The following FRYL variants were observed in gnomAD, a reference collection of about 807,000 sequenced individuals.
FRYL encodes the protein FRY like transcription coactivator.
Under a neutral mutation model 351.2 loss-of-function variants are expected in FRYL, and 150 were observed. The observed-to-expected ratio is 0.43, with a 90% CI of 0.37 to 0.49. The LOEUF is 0.49. FRYL is among the 20% of genes least tolerant of loss of function. The pLI is 0.00. For missense variants in FRYL, 3,036 were observed against 3,619.3 expected (o/e 0.84, Z 4.13); for synonymous variants, 1,153 against 1,257.1 (o/e 0.92, Z 1.75).
intron 3 of FRYL, among the ~76,000 whole-genome samples, chr4:48,644,393 T>G (rs1317484663): frequency 3.3e-5 from 5 of 150,392 alleles, no homozygotes; most frequent in Non-Finnish European, 5.9e-5. Flanking sequence ...AATCAGAACA[T>G]AACTATAATC....
intron 1 of FRYL, among the ~76,000 whole-genome samples, chr4:48,744,443 T>A (rs1358468463): frequency 6.6e-6 from 1 of 152,152 alleles, no homozygotes; most frequent in Admixed American, 6.5e-5. Context: ...ACTTCATAAA[T>A]TAATATTTAC....
At chr4:48,629,222 CGT>C in intron 4 of FRYL, among the ~76,000 whole-genome samples, 1 of 152,008 alleles carries the variant, frequency 6.6e-6, no homozygotes, top group East Asian at 1.9e-4. Context: ...ATTTTGAAAC[CGT>C]AACAATGACA....
chr4:48,678,836 GA>G (rs1296641429), intron 3 of FRYL, among the ~76,000 whole-genome samples: 4 of 151,812 alleles, frequency 2.6e-5, no homozygotes, highest in African/African-American at 9.7e-5. Flanking sequence ...TATACCATAG[GA>G]AATTCTTAAT....
rs1452424845 is a variant in FRYL at position 48,763,080 on chromosome 4, C to T, written c.-384+16998G>A. ...GAATTTAATGACTTTCCCCAAACAA[C>T]AATATTTTATATTTGTACAGATCTG... On this transcript the variant is annotated intron_variant, in intron 1 of 63. Transcript: ENST00000358350. 1.7e-4 allele frequency among the ~76,000 whole-genome samples: 11 copies of T among 64,740 alleles called. No homozygotes were observed. In the East Asian group the frequency reaches 2.5e-3, roughly 14 times the overall value. 42.5% of individuals were successfully genotyped at this position (64,740 alleles called of 152,430 possible). A position where few individuals can be genotyped will look rare whatever the true frequency, so the allele number is the denominator to read the frequency against.
chr4:48,774,871 G>C (rs973582639), intron 1 of FRYL, among the ~76,000 whole-genome samples: 1 of 152,010 alleles, frequency 6.6e-6, no homozygotes, highest in Non-Finnish European at 1.5e-5. Flanking sequence ...AATATTTTTC[G>C]TAACAAAAAG....
rs565128981 is a variant in FRYL at position 48,577,116 on chromosome 4, C to T, written c.2529-894G>A. Among the ~76,000 whole-genome samples the T allele has an allele frequency of 2.8e-3, 423 of 152,186 alleles. 2 individuals carry two copies. The highest frequency in any genetic ancestry group is 0.011 in the South Asian group (54 of 4,820). On this transcript the variant is annotated intron_variant, in intron 23 of 63. Coordinates refer to ENST00000358350, the MANE Select transcript of FRYL (RefSeq NM_015030.2). ...AATAGCAATTTTTCCCTATTATACACAATACTATACATTTGAATATATGGT... is the reference window on the plus strand; with the variant it reads ...AATAGCAATTTTTCCCTATTATACATAATACTATACATTTGAATATATGGT...
intron 44 of FRYL, 82 bp from the exon 45 acceptor site, chr4:48,542,203 T>C (rs1379381335): frequency 1.3e-5 from 12 of 907,494 alleles, no homozygotes; most frequent in South Asian, 1.3e-4. Flanking sequence ...GATTTTAAAA[T>C]AGAACAAACT....
intron 49 of FRYL, among the ~76,000 whole-genome samples, chr4:48,533,693 A>G (rs931209860): frequency 6.6e-6 from 1 of 152,214 alleles, no homozygotes; most frequent in Non-Finnish European, 1.5e-5. Context: ...CTTAACTGGT[A>G]GCTCAAACCG....
chr4:48,628,846 T>C (rs1373040311), intron 4 of FRYL, among the ~76,000 whole-genome samples: 1 of 151,886 alleles, frequency 6.6e-6, no homozygotes, highest in African/African-American at 2.4e-5. Context: ...ATTGAAAGAA[T>C]AAAAAGTTTT....
At chr4:48,582,794 G>T in intron 19 of FRYL, 60 bp from the exon 20 acceptor site, 1 of 1,121,134 alleles carries the variant, frequency 8.9e-7, no homozygotes. Context: ...TTTATCATCT[G>T]AAACTTAAAA....
intron 1 of FRYL, among the ~76,000 whole-genome samples, chr4:48,713,801 A>C (rs1351732186): frequency 6.6e-6 from 1 of 152,222 alleles, no homozygotes; most frequent in Non-Finnish European, 1.5e-5. Context: ...TCTCCACCCC[A>C]AATCAACAGA....
chr4:48,761,887 C>G (rs1578957631), intron 1 of FRYL, among the ~76,000 whole-genome samples: 1 of 152,296 alleles, frequency 6.6e-6, no homozygotes, highest in Non-Finnish European at 1.5e-5. Context: ...ACTAAGGACA[C>G]ATTTCTCAGA....
At chr4:48,622,349 T>C (rs1360516584) in intron 5 of FRYL, among the ~76,000 whole-genome samples, 1 of 152,162 alleles carries the variant, frequency 6.6e-6, no homozygotes, top group African/African-American at 2.4e-5. Flanking sequence ...CTGCCCTATT[T>C]ATGGTTTCTT....
intron 1 of FRYL, among the ~76,000 whole-genome samples, chr4:48,771,861 A>G (rs1299856937): frequency 6.6e-6 from 1 of 152,242 alleles, no homozygotes. Context: ...AATTATAAAG[A>G]GGAGACTACT....
intron 2 of FRYL, among the ~76,000 whole-genome samples, chr4:48,687,550 C>G (rs1765279119): frequency 1.3e-5 from 2 of 149,630 alleles, no homozygotes; most frequent in Admixed American, 1.3e-4. Flanking sequence ...CTTCAGTACA[C>G]AAAGCAAAAG....
intron 47 of FRYL, among the ~76,000 whole-genome samples, chr4:48,537,795 C>CTCCT (rs1293244250): frequency 6.6e-6 from 1 of 152,168 alleles, no homozygotes; most frequent in African/African-American, 2.4e-5. Context: ...ATCCTTCAGG[C>CTCCT]TAGGAGGCCA....
intron 4 of FRYL, among the ~76,000 whole-genome samples, chr4:48,629,631 T>A (rs1247889417): frequency 6.6e-6 from 1 of 152,082 alleles, no homozygotes; most frequent in African/African-American, 2.4e-5. Context: ...CAGACAGATT[T>A]AGGACAGGAA....
chr4:48,540,009 T>C lies in FRYL; in HGVS notation c.6355A>G (p.Thr2119Ala), dbSNP rs752188535. The change falls in exon 47 of 64, where the codon ACT becomes GCT. Residue 2119 changes from threonine (T) to alanine (A), a missense_variant. Around this residue, in one of 7 missense-constraint regions of FRYL, gnomAD observed 1,987 missense variants for 2,311.7 expected, o/e 0.86. Coordinates refer to ENST00000358350, the MANE Select transcript of FRYL (RefSeq NM_015030.2). ...PHLIQHFDSP[T>A]QFCKETASRI... Reference sequence around the variant, plus strand: ...CTAGCTGTTTCTTTGCAAAACTGAGTTGGGCTGTCAAAATGCTGGATTAAG... The same window carrying C: ...CTAGCTGTTTCTTTGCAAAACTGAGCTGGGCTGTCAAAATGCTGGATTAAG... 4 of 1,613,240 alleles carry C rather than the reference T, an allele frequency of 2.5e-6. No homozygotes were observed. The highest frequency in any genetic ancestry group is 3.4e-6 in the Non-Finnish European group (4 of 1,179,634).
intron 1 of FRYL, among the ~76,000 whole-genome samples, chr4:48,746,790 TAG>T (rs915584664): frequency 6.6e-6 from 1 of 152,094 alleles, no homozygotes; most frequent in African/African-American, 2.4e-5. Context: ...ACACACCATG[TAG>T]AGAGACCACA....
Sources: allele counts gnomAD v4.1 joint callset (sites outside exome capture counted in the v4.1 genomes callset), GRCh38; gene constraint gnomAD v4.1.1; regional missense constraint gnomAD v4.1.1; transcripts MANE v1.5; gene names NCBI Gene and HGNC (gene_info 2026-07-23, HGNC 2026-07-21).